The following TFG variants were observed in gnomAD, a reference collection of about 807,000 sequenced individuals.
TFG encodes protein TFG.
TFG carries 22 observed loss-of-function variants against 51.4 expected under a neutral mutation model. The ratio of observed to expected loss-of-function variants is 0.43; its 90% CI spans 0.31 to 0.61. The LOEUF is 0.61. TFG is among the 20% of genes least tolerant of loss of function. TFG has a pLI of 0.12. For missense variants in TFG, 419 were observed against 487.7 expected, an observed-to-expected ratio of 0.86 and a Z score of 1.33; for synonymous variants, 187 against 165.6, an observed-to-expected ratio of 1.13 and a Z score of -0.99.
At chr3:100,719,064 GTATGT>G (rs1399943020) in intron 2 of TFG, among the ~76,000 whole-genome samples, 1 of 152,178 alleles carries the variant, frequency 6.6e-6, no homozygotes, top group Non-Finnish European at 1.5e-5. Context: ...CATTAAACAA[GTATGT>G]TATGGGAAGT....
intron 4 of TFG, among the ~76,000 whole-genome samples, chr3:100,730,746 G>A (rs901000152): frequency 6.6e-6 from 1 of 152,144 alleles, no homozygotes; most frequent in Non-Finnish European, 1.5e-5. Flanking sequence ...CAAATGATGT[G>A]TAAACTACCT....
rs369615915 is a variant in TFG at position 100,736,570 on chromosome 3, A to C, written c.581-6A>C. On this transcript the variant is annotated splice_region_variant and splice_polypyrimidine_tract_variant and intron_variant, in intron 5 of 7. Coordinates refer to ENST00000240851, the MANE Select transcript of TFG (RefSeq NM_006070.6). ...ATACTAAACTGACTTTTTTTTGACT[A>C]TCCAGGGCCACCCAGTGCTCCTGCA... 1.8e-5 allele frequency: 29 copies of C among 1,613,554 alleles called. No individual in the cohort carries two copies. In the African/African-American group the frequency reaches 2.5e-4, roughly 14 times the overall value.
At chr3:100,726,230 A>G (rs1447097995) in intron 3 of TFG, among the ~76,000 whole-genome samples, 2 of 152,190 alleles carry the variant, frequency 1.3e-5, no homozygotes, top group Non-Finnish European at 2.9e-5. Flanking sequence ...GGAGGAGTGG[A>G]AGCAAGCATC....
At chr3:100,727,609 C>G (rs1325899284) in intron 3 of TFG, among the ~76,000 whole-genome samples, 2 of 152,020 alleles carry the variant, frequency 1.3e-5, no homozygotes, top group African/African-American at 2.4e-5. Context: ...TGAGTGGTGA[C>G]AGTGTTTGTT....
At chr3:100,740,000 TTTCAAGA>T (rs1325535342) in intron 6 of TFG, among the ~76,000 whole-genome samples, 1 of 152,170 alleles carries the variant, frequency 6.6e-6, no homozygotes, top group African/African-American at 2.4e-5. Context: ...TCCCTAATTG[TTTCAAGA>T]TTCGTTTGTT....
At chr3:100,712,458 T>C (rs889264933) in intron 1 of TFG, among the ~76,000 whole-genome samples, 13 of 152,288 alleles carry the variant, frequency 8.5e-5, no homozygotes, top group African/African-American at 3.1e-4. Context: ...AGTAGTAGTT[T>C]GTAGGATACC....
intron 6 of TFG, among the ~76,000 whole-genome samples, chr3:100,738,832 A>G (rs963629769): frequency 6.6e-6 from 1 of 152,204 alleles, no homozygotes; most frequent in Admixed American, 6.5e-5. Flanking sequence ...ATTTAGCAGC[A>G]TTAGAAAAAT....
chr3:100,716,443 G>A (rs1252825428), intron 2 of TFG, among the ~76,000 whole-genome samples: 1 of 152,092 alleles, frequency 6.6e-6, no homozygotes, highest in African/African-American at 2.4e-5. Flanking sequence ...TTAATCTGTT[G>A]TTAGACACTT....
At position 100,713,674 on chromosome 3, in the gene TFG, C is replaced by T. The variant is rs371285224; in HGVS notation, c.-12C>T. On this transcript the variant is annotated 5_prime_UTR_variant, in exon 2 of 8. Coordinates refer to ENST00000240851, the MANE Select transcript of TFG (RefSeq NM_006070.6). ...TCTAGAGTTGTATATATAGAACATC[C>T]TGGAGTCCACCATGAACGGACAGTT... 5.7e-6 allele frequency: 9 copies of T among 1,578,560 alleles called. No individual in the cohort carries two copies. The highest frequency in any genetic ancestry group is 7.8e-6 in the Non-Finnish European group (9 of 1,158,444).
At chr3:100,723,958 G>T (rs140174756) in intron 3 of TFG, among the ~76,000 whole-genome samples, 2,457 of 152,090 alleles carry the variant, frequency 0.016, 47 homozygotes, top group Non-Finnish European at 0.022. Flanking sequence ...CTTCTTTAGA[G>T]ACTATTGGAC....
chr3:100,721,503 T>C (rs2095060695), intron 3 of TFG, among the ~76,000 whole-genome samples: 1 of 152,182 alleles, frequency 6.6e-6, no homozygotes, highest in African/African-American at 2.4e-5. Context: ...GCTTAACTCT[T>C]ATACCTTGGG....
At chr3:100,736,435 C>T (rs1435952272) in intron 5 of TFG, 141 bp from the exon 6 acceptor site, 1 of 837,932 alleles carries the variant, frequency 1.2e-6, no homozygotes, top group Non-Finnish European at 1.8e-6. Context: ...AAAGTACATA[C>T]ATTTAATGTA....
chr3:100,740,618 CTTTCTAA>C (rs948505864), intron 6 of TFG, among the ~76,000 whole-genome samples: 1 of 152,084 alleles, frequency 6.6e-6, no homozygotes, highest in African/African-American at 2.4e-5. Context: ...GGAGTTAAAT[CTTTCTAA>C]TTTCTAAGAA....
At chr3:100,728,490 C>CTA (rs1028116830) in intron 3 of TFG, among the ~76,000 whole-genome samples, 2 of 151,722 alleles carry the variant, frequency 1.3e-5, no homozygotes, top group African/African-American at 4.8e-5. Context: ...AGGTCATAGG[C>CTA]TATAGGTATG....
At chr3:100,716,077 A>G (rs1033761831) in intron 2 of TFG, among the ~76,000 whole-genome samples, 15 of 151,824 alleles carry the variant, frequency 9.9e-5, no homozygotes, top group Non-Finnish European at 7.4e-5. Flanking sequence ...GAAACATTCA[A>G]TATTCTCCTT....
chr3:100,727,616 T>G (rs1449568296), intron 3 of TFG, among the ~76,000 whole-genome samples: 1 of 152,196 alleles, frequency 6.6e-6, no homozygotes, highest in Non-Finnish European at 1.5e-5. Flanking sequence ...TGACAGTGTT[T>G]GTTGCTGAAT....
chr3:100,748,548 C>CA lies in TFG; in HGVS notation c.*19dup, dbSNP rs1340217675. ...TATCGATAAGGAGGCTCCTCTACAC[C>CA]AATTAATGTAGCTGCTAGCTATTGG... is the stretch of plus-strand genomic sequence containing the variant. On this transcript the variant is annotated 3_prime_UTR_variant, in exon 8 of 8. Coordinates refer to ENST00000240851, the MANE Select transcript of TFG (RefSeq NM_006070.6). 1.3e-6 allele frequency: 2 copies of CA among 1,585,614 alleles called. No homozygotes were observed. The highest frequency in any genetic ancestry group is 3.5e-5 in the Admixed American group (2 of 57,186).
chr3:100,741,438 T>C (rs1367088745), intron 6 of TFG, among the ~76,000 whole-genome samples: 1 of 152,176 alleles, frequency 6.6e-6, no homozygotes, highest in Non-Finnish European at 1.5e-5. Context: ...GAAAAATGCT[T>C]ATAGAATAAG....
chr3:100,742,976 C>T (rs780283780), intron 6 of TFG: 3 of 151,900 alleles, frequency 2.0e-5, no homozygotes, highest in African/African-American at 4.8e-5. Flanking sequence ...GTTCCTTACT[C>T]ATTGATGACC....
Sources: allele counts gnomAD v4.1 joint callset (sites outside exome capture counted in the v4.1 genomes callset), GRCh38; gene constraint gnomAD v4.1.1; transcripts MANE v1.5; gene names NCBI Gene and HGNC (gene_info 2026-07-23, HGNC 2026-07-21).